The following GLYATL2 variants were observed in gnomAD, a reference collection of about 807,000 sequenced individuals.
The protein encoded by GLYATL2 is glycine N-acyltransferase-like protein 2.
In GLYATL2, 25 loss-of-function variants were observed where a neutral mutation model predicts 21.4. That is an observed-to-expected ratio of 1.17 (90% confidence interval 0.85 to 1.63). GLYATL2 has a LOEUF of 1.63. Ranked by LOEUF, GLYATL2 falls within the 40% of genes most tolerant of loss-of-function variation. GLYATL2 has a pLI of 0.00. For synonymous variants in GLYATL2, 114 were observed against 118.2 expected, an observed-to-expected ratio of 0.96 and a Z score of 0.23; for missense variants, 361 against 343.3, an observed-to-expected ratio of 1.05 and a Z score of -0.41.
chr11:58,846,677 G>A (rs1853650782), upstream of GLYATL2, among the ~76,000 whole-genome samples: 1 of 152,194 alleles, frequency 6.6e-6, no homozygotes, highest in Non-Finnish European at 1.5e-5. Context: ...AATCCCAGCA[G>A]TCAAAACTTC....
chr11:58,875,122 T>C (rs1265254443), intron 1 of GLYATL2, among the ~76,000 whole-genome samples: 2 of 152,228 alleles, frequency 1.3e-5, no homozygotes, highest in Non-Finnish European at 2.9e-5. Flanking sequence ...CCTTGCCTTT[T>C]TTTGTTTTCC....
At chr11:58,872,190 T>G (rs555363994) in intron 1 of GLYATL2, among the ~76,000 whole-genome samples, 1 of 152,206 alleles carries the variant, frequency 6.6e-6, no homozygotes, top group African/African-American at 2.4e-5. Flanking sequence ...ATTAGCCCTT[T>G]GTCAGATGAG....
At chr11:58,846,187 T>A (rs1398683597), upstream of GLYATL2, among the ~76,000 whole-genome samples, 1 of 152,184 alleles carries the variant, frequency 6.6e-6, no homozygotes, top group African/African-American at 2.4e-5. Context: ...ACACATATTT[T>A]TTTTCTATAC....
intron 1 of GLYATL2, among the ~76,000 whole-genome samples, chr11:58,843,611 G>A (rs567242762): frequency 1.3e-5 from 2 of 152,144 alleles, no homozygotes; most frequent in East Asian, 3.9e-4. Context: ...GCATCCAGGA[G>A]AGAGAAGAGA....
chr11:58,898,565 T>C (rs1169545543), intron 1 of GLYATL2, among the ~76,000 whole-genome samples: 1 of 151,872 alleles, frequency 6.6e-6, no homozygotes, highest in Admixed American at 6.6e-5. Flanking sequence ...CCGGGTGCAG[T>C]GACTGACGCC....
At chr11:58,862,357 T>G (rs1172814350) in intron 1 of GLYATL2, among the ~76,000 whole-genome samples, 1 of 152,202 alleles carries the variant, frequency 6.6e-6, no homozygotes, top group African/African-American at 2.4e-5. Flanking sequence ...TCCCCAGACT[T>G]GGAAAGTATT....
At chr11:58,890,303 G>T (rs1193565725) in intron 1 of GLYATL2, among the ~76,000 whole-genome samples, 1 of 152,098 alleles carries the variant, frequency 6.6e-6, no homozygotes, top group South Asian at 2.1e-4. Flanking sequence ...ATTTAACCCA[G>T]CAATGCCATT....
upstream of GLYATL2, among the ~76,000 whole-genome samples, chr11:58,905,884 T>C (rs1186344482): frequency 6.6e-6 from 1 of 152,184 alleles, no homozygotes; most frequent in African/African-American, 2.4e-5. Context: ...CCAAAGTGGA[T>C]GAGAGGATGA....
At chr11:58,898,276 T>C (rs1042484719) in intron 1 of GLYATL2, among the ~76,000 whole-genome samples, 2 of 152,218 alleles carry the variant, frequency 1.3e-5, no homozygotes, top group African/African-American at 4.8e-5. Flanking sequence ...AATGTTTTTA[T>C]TCTTCTACCA....
intron 1 of GLYATL2, chr11:58,884,797 G>A (rs1854406617): frequency 6.2e-6 from 1 of 161,626 alleles, no homozygotes; most frequent in African/African-American, 2.4e-5. Context: ...GAATGAGGGT[G>A]ATACTGACAG....
intron 5 of GLYATL2, among the ~76,000 whole-genome samples, chr11:58,835,604 C>A (rs941721522): frequency 1.3e-5 from 2 of 152,168 alleles, no homozygotes; most frequent in African/African-American, 4.8e-5. Context: ...GTTTCAGAGT[C>A]ACTTCATGTT....
chr11:58,902,757 C>A (rs1854761689), intron 1 of GLYATL2, among the ~76,000 whole-genome samples: 1 of 152,198 alleles, frequency 6.6e-6, no homozygotes, highest in Non-Finnish European at 1.5e-5. Flanking sequence ...TAAAATCCAG[C>A]CAACAAGATG....
chr11:58,900,799 G>T (rs1025090005), intron 1 of GLYATL2, among the ~76,000 whole-genome samples: 3 of 151,918 alleles, frequency 2.0e-5, no homozygotes, highest in African/African-American at 2.4e-5. Flanking sequence ...GGAAGCTTGG[G>T]GGGGTGGTCA....
chr11:58,865,564 C>T (rs1854009202), intron 1 of GLYATL2, among the ~76,000 whole-genome samples: 2 of 149,170 alleles, frequency 1.3e-5, no homozygotes, highest in African/African-American at 2.4e-5. Context: ...GGATTCAGAA[C>T]GTCTGGGTTC....
intron 1 of GLYATL2, among the ~76,000 whole-genome samples, chr11:58,858,757 A>G (rs1853877838): frequency 6.6e-6 from 1 of 152,126 alleles, no homozygotes; most frequent in African/African-American, 2.4e-5. Flanking sequence ...GCCTAATGTG[A>G]ACTTCCGTGT....
At chr11:58,834,959 G>A (rs1853402680) in intron 5 of GLYATL2, 122 bp from the exon 6 acceptor site, 1 of 646,586 alleles carries the variant, frequency 1.5e-6, no homozygotes, top group South Asian at 2.2e-5. Context: ...GGCAATAGAT[G>A]CATAACAACT....
intron 1 of GLYATL2, among the ~76,000 whole-genome samples, chr11:58,865,149 C>A (rs201168041): frequency 0.017 from 2,516 of 144,674 alleles, 206 homozygotes; most frequent in South Asian, 0.05. Flanking sequence ...AGTAGTTCTG[C>A]AAAAAAAAGG....
rs1331691846 is a variant in GLYATL2 at position 58,837,528 on chromosome 11, C to T, written c.187-131G>A. The T allele has an allele frequency of 3.8e-6, 3 of 796,536 alleles. No homozygotes were observed. In the Admixed American group the frequency reaches 7.9e-5, roughly 21 times the overall value. 49.3% of individuals were successfully genotyped at this position (796,536 alleles called of 1,614,324 possible). The stretch of plus-strand genomic sequence containing the variant: ...TTCTGAGACAGGTGTAGAAAATGGC[C>T]TTGGAGTCACTTCAAGAATAACTCA... On this transcript the variant is annotated intron_variant, in intron 3 of 5. Transcript: ENST00000287275.
At chr11:58,885,484 G>T in intron 1 of GLYATL2, 1 of 510,368 alleles carries the variant, frequency 2.0e-6, no homozygotes, top group South Asian at 1.4e-5. Flanking sequence ...TCAACATGGA[G>T]GTGCTGGTGG....
Sources: allele counts gnomAD v4.1 joint callset (sites outside exome capture counted in the v4.1 genomes callset), GRCh38; gene constraint gnomAD v4.1.1; transcripts MANE v1.5; gene names NCBI Gene and HGNC (gene_info 2026-07-23, HGNC 2026-07-21).